The following ANO10 variants were observed in gnomAD, a reference collection of about 807,000 sequenced individuals.
ANO10 encodes the protein anoctamin-10.
ANO10 carries 77 observed loss-of-function variants against 74.7 expected under a neutral mutation model. That is an observed-to-expected ratio of 1.03 (90% CI 0.86 to 1.25). The LOEUF (loss-of-function observed/expected upper bound fraction) is 1.25, where lower values mean the gene tolerates loss of function less well. ANO10 is among the 50% of genes most tolerant of loss of function. The probability of loss-of-function intolerance (pLI) is 0.00; values close to 1 mark genes in which losing one functional copy is unlikely to be tolerated. For missense variants in ANO10, 721 were observed against 778.1 expected, an observed-to-expected ratio of 0.93 and a Z score of 0.87; for synonymous variants, 279 against 284.9, an observed-to-expected ratio of 0.98 and a Z score of 0.21.
intron 12 of ANO10, among the ~76,000 whole-genome samples, chr3:43,431,082 T>C (rs1223169021): frequency 2.0e-5 from 3 of 151,736 alleles, no homozygotes; most frequent in Non-Finnish European, 4.4e-5. Context: ...CTTTTCTTTT[T>C]TTTTTTTTGA....
chr3:43,417,785 A>T (rs747643580), intron 12 of ANO10, among the ~76,000 whole-genome samples: 11 of 152,196 alleles, frequency 7.2e-5, no homozygotes, highest in Non-Finnish European at 1.6e-4. Flanking sequence ...ATCAATGGCA[A>T]AATTAAATAA....
chr3:43,684,621 C>T (rs1223041528), intron 1 of ANO10, among the ~76,000 whole-genome samples: 1 of 152,160 alleles, frequency 6.6e-6, no homozygotes, highest in Non-Finnish European at 1.5e-5. Flanking sequence ...GCTGTAAAGA[C>T]ACATGCACAC....
intron 12 of ANO10, among the ~76,000 whole-genome samples, chr3:43,403,120 G>C (rs1396550320): frequency 6.6e-6 from 1 of 152,134 alleles, no homozygotes. Flanking sequence ...TTCCAACCCT[G>C]AACACTGGAC....
At chr3:43,388,888 T>C (rs995443519) in intron 12 of ANO10, among the ~76,000 whole-genome samples, 2 of 152,234 alleles carry the variant, frequency 1.3e-5, no homozygotes, top group Non-Finnish European at 1.5e-5. Flanking sequence ...TCATGCCAAT[T>C]CCTCACTGCT....
intron 11 of ANO10, among the ~76,000 whole-genome samples, chr3:43,441,659 T>A (rs2093161776): frequency 6.6e-6 from 1 of 152,162 alleles, no homozygotes; most frequent in African/African-American, 2.4e-5. Flanking sequence ...ACTCATCTTA[T>A]GAGGTCAATA....
chr3:43,523,165 A>G (rs1206532035), intron 11 of ANO10, among the ~76,000 whole-genome samples: 1 of 152,194 alleles, frequency 6.6e-6, no homozygotes, highest in East Asian at 1.9e-4. Context: ...AACTTAAGCT[A>G]AGTATGCCTG....
At chr3:43,485,941 T>C (rs1349668289) in intron 11 of ANO10, 2 of 232,634 alleles carry the variant, frequency 8.6e-6, no homozygotes, top group Admixed American at 5.4e-5. Flanking sequence ...TTACAGTTAA[T>C]TGCACTTGAA....
chr3:43,647,961 ATC>A (rs1266648857), intron 1 of ANO10, among the ~76,000 whole-genome samples: 2 of 152,110 alleles, frequency 1.3e-5, no homozygotes, highest in Non-Finnish European at 2.9e-5. Context: ...AAAGGCCCTC[ATC>A]TCTCTACTTT....
chr3:43,540,141 A>T (rs1483864377), intron 11 of ANO10, among the ~76,000 whole-genome samples: 1 of 152,230 alleles, frequency 6.6e-6, no homozygotes, highest in African/African-American at 2.4e-5. Flanking sequence ...TGGGGCCAAT[A>T]ATTCCTTCGT....
At chr3:43,417,708 C>T (rs1280581488) in intron 12 of ANO10, among the ~76,000 whole-genome samples, 4 of 152,104 alleles carry the variant, frequency 2.6e-5, no homozygotes, top group Non-Finnish European at 5.9e-5. Flanking sequence ...TGCTATATTG[C>T]GACCTGACAG....
chr3:43,481,356 T>C (rs1426174791), intron 11 of ANO10, among the ~76,000 whole-genome samples: 1 of 152,182 alleles, frequency 6.6e-6, no homozygotes, highest in Non-Finnish European at 1.5e-5. Flanking sequence ...AAAATGTAGT[T>C]TTTAAATTAT....
intron 12 of ANO10, among the ~76,000 whole-genome samples, chr3:43,425,756 A>G (rs2092890624): frequency 6.6e-6 from 1 of 152,210 alleles, no homozygotes; most frequent in Non-Finnish European, 1.5e-5. Context: ...AGGAAATCAA[A>G]TATTTTACCC....
intron 1 of ANO10, among the ~76,000 whole-genome samples, chr3:43,606,198 C>T (rs892330981): frequency 6.6e-6 from 1 of 152,126 alleles, no homozygotes; most frequent in Non-Finnish European, 1.5e-5. Context: ...GAACAGGATT[C>T]AGAGGAATGA....
intron 12 of ANO10, among the ~76,000 whole-genome samples, chr3:43,420,143 T>C (rs192435441): frequency 9.0e-4 from 137 of 152,294 alleles, no homozygotes; most frequent in African/African-American, 2.9e-3. Flanking sequence ...TCCTATAGCA[T>C]TGGAAATCAA....
At chr3:43,641,912 C>T (rs984428166) in intron 1 of ANO10, among the ~76,000 whole-genome samples, 7 of 152,158 alleles carry the variant, frequency 4.6e-5, no homozygotes, top group African/African-American at 1.7e-4. Flanking sequence ...ATCCTTACCA[C>T]CTACCCACCC....
At chr3:43,480,172 T>C (rs774862524) in intron 11 of ANO10, among the ~76,000 whole-genome samples, 11 of 151,958 alleles carry the variant, frequency 7.2e-5, no homozygotes, top group Non-Finnish European at 1.5e-4. Flanking sequence ...AATCTCAAAA[T>C]AGACAGAAGA....
intron 1 of ANO10, chr3:43,690,927 CG>C: frequency 1.3e-6 from 2 of 1,510,222 alleles, no homozygotes. Flanking sequence ...CGCGCCAGCC[CG>C]GGGCGGCCCA....
chr3:43,669,111 C>T (rs1246005833), intron 1 of ANO10, among the ~76,000 whole-genome samples: 1 of 151,772 alleles, frequency 6.6e-6, no homozygotes, highest in Non-Finnish European at 1.5e-5. Flanking sequence ...AGTTTTTTTT[C>T]CTCCCTTAGG....
intron 1 of ANO10, among the ~76,000 whole-genome samples, chr3:43,665,613 TCTC>T (rs918370463): frequency 6.6e-6 from 1 of 152,164 alleles, no homozygotes; most frequent in African/African-American, 2.4e-5. Context: ...TCTTTACTGT[TCTC>T]TTGCCTTCCT....
Sources: allele counts gnomAD v4.1 joint callset (sites outside exome capture counted in the v4.1 genomes callset), GRCh38; gene constraint gnomAD v4.1.1; transcripts MANE v1.5; gene names NCBI Gene and HGNC (gene_info 2026-07-23, HGNC 2026-07-21).